Variants in LTN1 observed in about 807,000 individuals in gnomAD.
LTN1 encodes the protein listerin E3 ubiquitin protein ligase 1, also known as E3 ubiquitin-protein ligase listerin.
LTN1 carries 88 observed loss-of-function variants against 201.2 expected under a neutral mutation model. The ratio of observed to expected loss-of-function variants is 0.44; its 90% confidence interval spans 0.37 to 0.52. LTN1 has a LOEUF of 0.52. Among genes scored for constraint, LTN1 ranks in the 20% least tolerant of loss-of-function variants. The pLI, the probability that LTN1 is intolerant of heterozygous loss-of-function variation, is 0.00. For missense variants in LTN1, 1,752 were observed against 2,038.7 expected (o/e 0.86, Z 2.71); for synonymous variants, 645 against 713.5 (o/e 0.90, Z 1.53).
intron 7 of LTN1, 34 bp downstream of exon 7, chr21:28,971,237 T>G: frequency 6.6e-7 from 1 of 1,509,548 alleles, no homozygotes; most frequent in Non-Finnish European, 9.0e-7. Context: ...ATAGGTTCAT[T>G]CCTCAGTGTA....
chr21:28,956,713 T>C, intron 16 of LTN1, 49 bp downstream of exon 16: 1 of 934,478 alleles, frequency 1.1e-6, no homozygotes, highest in Non-Finnish European at 1.5e-6. Flanking sequence ...ATTTCAAAAT[T>C]ATATTCATTC....
Position 28,944,464 on chromosome 21 carries a change from C to T in LTN1, c.3901G>A (p.Val1301Ile). The change falls in exon 22 of 30, where the codon GTA becomes ATA. Residue 1301 changes from valine to isoleucine, a missense_variant. Coordinates refer to ENST00000361371, the MANE Select transcript of LTN1 (RefSeq NM_015565.3). Reference sequence around the variant, plus strand: ...TCTTTCCATTCACTGATTAGATTTACAGGAAGATTGCCAATGGTATCCAGA... The same window carrying T: ...TCTTTCCATTCACTGATTAGATTTATAGGAAGATTGCCAATGGTATCCAGA... ...TTLDTIGNLP[V>I]NLISEWKEFF... is the part of the protein sequence containing the mutation. 1.2e-6 allele frequency: 2 copies of T among 1,614,004 alleles called. No individual in the cohort carries two copies. Among genetic ancestry groups the T allele is most frequent in the Non-Finnish European group, 1.7e-6 (2 of 1,179,942 alleles).
At chr21:28,978,289 C>G (rs2084632277) in intron 6 of LTN1, among the ~76,000 whole-genome samples, 1 of 152,160 alleles carries the variant, frequency 6.6e-6, no homozygotes, top group Non-Finnish European at 1.5e-5. Flanking sequence ...GCCTTGGCCT[C>G]CCGAAGTTCT....
intron 24 of LTN1, among the ~76,000 whole-genome samples, chr21:28,941,925 C>A (rs2146265011): frequency 6.6e-6 from 1 of 152,258 alleles, no homozygotes; most frequent in Admixed American, 6.5e-5. Flanking sequence ...TGATTGTAAT[C>A]TTTTTAGGAA....
In LTN1 at chr21:28,967,131, C is replaced by A. The variant is rs150428069; in HGVS notation, c.1360G>T (p.Gly454Trp). Reference protein sequence around the residue: ...AVLKDPGLQHGQLFNHLAETL... With the variant: ...AVLKDPGLQHWQLFNHLAETL... ...TCTGCTAAATGGTTAAATAGCTGCCCATGTTGCAATCCTGGGTCTTTGAGA... is the reference window on the plus strand; with the variant it reads ...TCTGCTAAATGGTTAAATAGCTGCCAATGTTGCAATCCTGGGTCTTTGAGA... The change falls in exon 10 of 30, where the codon GGG (glycine) becomes TGG (tryptophan). Residue 454 changes from glycine to tryptophan, a missense_variant. Coordinates refer to ENST00000361371, the MANE Select transcript of LTN1 (RefSeq NM_015565.3). The A allele has an allele frequency of 7.4e-6, 12 of 1,613,818 alleles. No individual in the cohort carries two copies. The highest frequency in any genetic ancestry group is 9.3e-6 in the Non-Finnish European group (11 of 1,179,986).
At chr21:28,990,481 G>T (rs752010257) in intron 1 of LTN1, among the ~76,000 whole-genome samples, 2 of 152,176 alleles carry the variant, frequency 1.3e-5, no homozygotes, top group East Asian at 1.9e-4. Flanking sequence ...ACTGATTCCA[G>T]CAAGAATCAA....
rs192562250 is a variant in LTN1 at position 28,980,305 on chromosome 21, T to C, written c.810+814A>G. ...TATCCAGGCATGAGTTTTAGTGCTG[T>C]TGGCCGTGAGTTCAATGCTAATGAA... On this transcript the variant is annotated intron_variant, in intron 6 of 29. Coordinates refer to ENST00000361371, the MANE Select transcript of LTN1 (RefSeq NM_015565.3). Among the ~76,000 whole-genome samples, 306 of 146,422 alleles carry C rather than the reference T, an allele frequency of 2.1e-3. 4 individuals are homozygous for C. The highest frequency in any genetic ancestry group is 0.019 in the Admixed American group (265 of 14,170).
intron 10 of LTN1, 119 bp downstream of exon 10, chr21:28,966,251 A>T: frequency 2.4e-6 from 2 of 832,142 alleles, no homozygotes; most frequent in South Asian, 1.8e-5. Flanking sequence ...CATGATCAAG[A>T]ATATATTGCT....
At chr21:28,973,954 C>T (rs1047708729) in intron 6 of LTN1, among the ~76,000 whole-genome samples, 1 of 151,952 alleles carries the variant, frequency 6.6e-6, no homozygotes, top group Non-Finnish European at 1.5e-5. Context: ...TACTCCATAA[C>T]CAAAAAATTA....
intron 6 of LTN1, among the ~76,000 whole-genome samples, chr21:28,973,957 A>G (rs1451323301): frequency 2.0e-5 from 3 of 152,282 alleles, no homozygotes; most frequent in Non-Finnish European, 2.9e-5. Flanking sequence ...TCCATAACCA[A>G]AAAATTAATT....
At chr21:28,981,382 A>G in intron 5 of LTN1, 83 bp from the exon 6 acceptor site, 1 of 709,978 alleles carries the variant, frequency 1.4e-6, no homozygotes, top group Non-Finnish European at 2.1e-6. Context: ...AAAATGTTTT[A>G]TCATTAAATA....
Position 28,944,438 on chromosome 21 carries a change from T to A in LTN1, c.3927A>T (p.Glu1309Asp). 1.9e-6 allele frequency: 3 copies of A among 1,613,996 alleles called. No individual in the cohort carries two copies. The highest frequency in any genetic ancestry group is 2.5e-6 in the Non-Finnish European group (3 of 1,179,950). The change falls in exon 22 of 30, where the codon GAA becomes GAT. Residue 1309 changes from glutamate (E) to aspartate (D), a missense_variant. Transcript: ENST00000361371. ...AACTGTGGATGCCTTGGGAAAAAAATTCTTTCCATTCACTGATTAGATTTA... is the reference window on the plus strand; with the variant it reads ...AACTGTGGATGCCTTGGGAAAAAAAATCTTTCCATTCACTGATTAGATTTA... ...LPVNLISEWK[E>D]FFSQGIHSLL...
rs1355839043 is a variant in LTN1 at position 28,966,872 on chromosome 21, C to G, written c.1619G>C (p.Arg540Thr). ...KSSKKKNGKV[R>T]FADEILESNK... The stretch of plus-strand genomic sequence containing the variant: ...GCTTTCAAGTATCTCATCAGCAAAT[C>G]TAACCTTACCATTTTTTTTTTTACT... Residue 540 changes from arginine to threonine, a missense_variant, in exon 10 of 30, where the codon AGA (arginine) becomes ACA (threonine). Arg to Thr is a moderately conservative substitution (Grantham distance 71). This residue lies in a region of LTN1 where 1,211 missense variants were observed against 1,312.8 expected (regional missense o/e 0.92). Coordinates refer to ENST00000361371, the MANE Select transcript of LTN1 (RefSeq NM_015565.3). 1.9e-6 allele frequency: 3 copies of G among 1,611,890 alleles called. No homozygotes were observed. Among genetic ancestry groups the G allele is most frequent in the East Asian group, 4.5e-5 (2 of 44,866 alleles).
chr21:28,960,277 G>T (rs1195790970), intron 12 of LTN1, among the ~76,000 whole-genome samples: 1 of 149,300 alleles, frequency 6.7e-6, no homozygotes, highest in Non-Finnish European at 1.5e-5. Flanking sequence ...TGAGGCACAA[G>T]AATCACTTGA....
intron 25 of LTN1, among the ~76,000 whole-genome samples, chr21:28,939,826 GC>G (rs899388482): frequency 5.3e-5 from 8 of 152,124 alleles, no homozygotes; most frequent in African/African-American, 1.9e-4. Flanking sequence ...CAAATAAGGA[GC>G]TCTTGAAATA....
chr21:28,956,442 T>C (rs2084426313), intron 16 of LTN1, among the ~76,000 whole-genome samples: 2 of 152,144 alleles, frequency 1.3e-5, no homozygotes, highest in South Asian at 2.1e-4. Context: ...GAATCCTTGA[T>C]AAAACACCAA....
chr21:28,971,909 T>C (rs1306941452), intron 6 of LTN1, among the ~76,000 whole-genome samples: 5 of 152,060 alleles, frequency 3.3e-5, no homozygotes, highest in African/African-American at 9.7e-5. Context: ...GCAGAGCAGA[T>C]CGGAAAAAGA....
At chr21:28,977,879 G>T (rs901521853) in intron 6 of LTN1, among the ~76,000 whole-genome samples, 14 of 151,764 alleles carry the variant, frequency 9.2e-5, no homozygotes, top group Non-Finnish European at 7.4e-5. Context: ...AGTGAGCTGA[G>T]ATCGTGCCAC....
intron 28 of LTN1, among the ~76,000 whole-genome samples, 164 bp downstream of exon 28, chr21:28,932,306 G>A (rs1035329088): frequency 4.6e-5 from 7 of 152,186 alleles, no homozygotes; most frequent in Non-Finnish European, 8.8e-5. Context: ...AATTAAAACA[G>A]AAAGGCAGGT....
Sources: allele counts gnomAD v4.1 joint callset (sites outside exome capture counted in the v4.1 genomes callset), GRCh38; gene constraint gnomAD v4.1.1; regional missense constraint gnomAD v4.1.1; transcripts MANE v1.5; gene names NCBI Gene and HGNC (gene_info 2026-07-23, HGNC 2026-07-21).